RASGRP1: variants seen among roughly 807,000 people sequenced by gnomAD.
The protein encoded by RASGRP1 is RAS guanyl releasing protein 1, also known as RAS guanyl-releasing protein 1.
Under a neutral mutation model 95.1 loss-of-function variants are expected in RASGRP1, and 37 were observed. That is an observed-to-expected ratio of 0.39 (90% CI 0.30 to 0.51). The LOEUF is 0.51. RASGRP1 is among the 20% of genes least tolerant of loss of function. RASGRP1 has a pLI of 0.80. For missense variants in RASGRP1, 711 were observed against 965.4 expected (o/e 0.74, Z 3.49); for synonymous variants, 325 against 353.4 (o/e 0.92, Z 0.90).
At chr15:38,495,750 A>C (rs1334921485) in intron 15 of RASGRP1, among the ~76,000 whole-genome samples, 1 of 152,170 alleles carries the variant, frequency 6.6e-6, no homozygotes, top group Non-Finnish European at 1.5e-5. Context: ...AAATATTTAA[A>C]TTGTTATGGT....
intron 16 of RASGRP1, among the ~76,000 whole-genome samples, chr15:38,493,253 C>A (rs1231077568): frequency 1.4e-5 from 2 of 146,524 alleles, no homozygotes; most frequent in African/African-American, 2.5e-5. Flanking sequence ...TCTCAGCTCA[C>A]TGCAACCTCC....
At chr15:38,556,915 G>A (rs1003719077) in intron 2 of RASGRP1, among the ~76,000 whole-genome samples, 16 of 151,938 alleles carry the variant, frequency 1.1e-4, no homozygotes, top group Non-Finnish European at 2.1e-4. Flanking sequence ...CTGAAATTAC[G>A]GTCTGAGGCA....
At position 38,546,618 on chromosome 15, in the gene RASGRP1, C is replaced by T. The variant is rs558557855; in HGVS notation, c.220+13203G>A. Among the ~76,000 whole-genome samples the T allele has an allele frequency of 2.6e-5, 4 of 152,178 alleles. No individual in the cohort carries two copies. The East Asian group carries it at 5.8e-4, about 22-fold the overall frequency. ...TTCAGGTTGATAGAAACTGAGTCTC[C>T]GAAACATTAAGACACCGGCTAAGGG... is the stretch of plus-strand genomic sequence containing the variant. On this transcript the variant is annotated intron_variant, in intron 2 of 16. Coordinates refer to ENST00000310803, the MANE Select transcript of RASGRP1 (RefSeq NM_005739.4).
intron 2 of RASGRP1, among the ~76,000 whole-genome samples, chr15:38,548,034 G>T (rs1171631493): frequency 2.7e-5 from 4 of 149,198 alleles, no homozygotes; most frequent in African/African-American, 1.0e-4. Flanking sequence ...AGTGCTGATT[G>T]GGGAATGCGC....
intron 2 of RASGRP1, among the ~76,000 whole-genome samples, chr15:38,536,617 A>G (rs1010914518): frequency 6.6e-6 from 1 of 152,218 alleles, no homozygotes; most frequent in Non-Finnish European, 1.5e-5. Flanking sequence ...ATTTTTCTCA[A>G]TGAGTGACTT....
In RASGRP1 at chr15:38,498,889, T is replaced by G. The variant is rs779664541; in HGVS notation, c.1778A>C (p.Lys593Thr). ...GGGAGCTACTGGGTTCTTGGCTCGCTTCTTACACTCAAACACAACCAGATC... is the reference window on the plus strand; with the variant it reads ...GGGAGCTACTGGGTTCTTGGCTCGCGTCTTACACTCAAACACAACCAGATC... ...CKDLVVFECK[K>T]RAKNPVAPTE... Residue 593 changes from lysine to threonine, a missense_variant, in exon 15 of 17, where the codon AAG becomes ACG. Around this residue, in one of 3 missense-constraint regions of RASGRP1, gnomAD observed 212 missense variants for 247.8 expected, o/e 0.86. Coordinates refer to ENST00000310803, the MANE Select transcript of RASGRP1 (RefSeq NM_005739.4). 6.2e-7 allele frequency: 1 copy of G among 1,614,010 alleles called. No individual in the cohort carries two copies. Among genetic ancestry groups the G allele is most frequent in the South Asian group, 1.1e-5 (1 of 91,088 alleles).
chr15:38,526,820 T>A (rs996864291), intron 2 of RASGRP1, among the ~76,000 whole-genome samples: 1 of 152,150 alleles, frequency 6.6e-6, no homozygotes, highest in African/African-American at 2.4e-5. Flanking sequence ...ATCTTACCTT[T>A]ACAAATTTTA....
At position 38,494,524 on chromosome 15, in the gene RASGRP1, A is replaced by G. The variant is rs1279422154; in HGVS notation, c.2117T>C (p.Leu706Pro). The change falls in exon 16 of 17, where the codon CTT (leucine) becomes CCT (proline). Residue 706 changes from leucine (L) to proline (P), a missense_variant. Coordinates refer to ENST00000310803, the MANE Select transcript of RASGRP1 (RefSeq NM_005739.4). ...RKTAQDTLYV[L>P]PSPTSPCPSP... The stretch of plus-strand genomic sequence containing the variant: ...AGGACATGGAGAGGTGGGACTGGGA[A>G]GCACATATAGAGTATCCTGGGCTGT... 6.3e-7 allele frequency: 1 copy of G among 1,597,810 alleles called. No homozygotes were observed. Among genetic ancestry groups the G allele is most frequent in the South Asian group, 1.1e-5 (1 of 88,548 alleles).
At chr15:38,517,415 A>G (rs999703968) in intron 5 of RASGRP1, among the ~76,000 whole-genome samples, 1 of 152,204 alleles carries the variant, frequency 6.6e-6, no homozygotes, top group Non-Finnish European at 1.5e-5. Context: ...TGTAATTTTA[A>G]GCAGAGAAGT....
chr15:38,505,191 G>A (rs962458332), intron 10 of RASGRP1, among the ~76,000 whole-genome samples: 7 of 152,130 alleles, frequency 4.6e-5, no homozygotes, highest in African/African-American at 9.7e-5. Context: ...GTTTGGAAAC[G>A]TCCCAGGAGA....
rs754058746 is a variant in RASGRP1, at chr15:38,512,828, C to T, written c.804G>A (p.Pro268=). 2.4e-5 allele frequency: 39 copies of T among 1,613,660 alleles called. No homozygotes were observed. The highest frequency in any genetic ancestry group is 1.0e-4 in the Admixed American group (6 of 60,000). ...VQLMVLSRPT[P]QLRAEVFIKF... is the part of the protein sequence containing the mutation. Reference sequence around the variant, plus strand: ...TGATGAAGACTTCTGCTCGGAGCTGCGGCGTGGGGCGGCTGAGAACCATCA... The same window carrying T: ...TGATGAAGACTTCTGCTCGGAGCTGTGGCGTGGGGCGGCTGAGAACCATCA... Residue 268 remains proline (P), a synonymous_variant, in exon 7 of 17, where the codon CCG becomes CCA. Coordinates refer to ENST00000310803, the MANE Select transcript of RASGRP1 (RefSeq NM_005739.4).
At position 38,564,719 on chromosome 15, in the gene RASGRP1, T is replaced by A; in HGVS notation, c.-91A>T. On this transcript the variant is annotated 5_prime_UTR_variant, in exon 1 of 17. Transcript: ENST00000310803. ...CACCACCGCCGCCGCCTGCCGGCTCTCTCCCCCCCGGGCCTCGTAGCCCCG... is the reference window on the plus strand; with the variant it reads ...CACCACCGCCGCCGCCTGCCGGCTCACTCCCCCCCGGGCCTCGTAGCCCCG... 9.1e-7 allele frequency: 1 copy of A among 1,102,880 alleles called. No homozygotes were observed. The highest frequency in any genetic ancestry group is 1.1e-6 in the Non-Finnish European group (1 of 891,004). 68.3% of individuals were successfully genotyped at this position (1,102,880 alleles called of 1,614,324 possible).
chr15:38,501,313 ATG>A, intron 12 of RASGRP1, 26 bp from the exon 13 acceptor site: 3 of 1,612,972 alleles, frequency 1.9e-6, no homozygotes, highest in Non-Finnish European at 2.5e-6. Context: ...CAAGGCAAGG[ATG>A]TGAGTATAAG....
At chr15:38,551,454 G>A (rs1183152534) in intron 2 of RASGRP1, among the ~76,000 whole-genome samples, 1 of 152,110 alleles carries the variant, frequency 6.6e-6, no homozygotes, top group Non-Finnish European at 1.5e-5. Context: ...CAAAACTGAA[G>A]GCTTCTTTTT....
chr15:38,532,320 C>G (rs756056497), intron 2 of RASGRP1, among the ~76,000 whole-genome samples: 5 of 152,178 alleles, frequency 3.3e-5, no homozygotes, highest in Non-Finnish European at 7.3e-5. Context: ...AGGGTTGAAG[C>G]CTCAGTGGGG....
intron 2 of RASGRP1, among the ~76,000 whole-genome samples, chr15:38,546,051 G>A (rs1893091335): frequency 6.6e-6 from 1 of 151,994 alleles, no homozygotes; most frequent in African/African-American, 2.4e-5. Context: ...TAACCATCTT[G>A]TATCTCCATG....
At chr15:38,496,519 C>G (rs1890797860) in intron 15 of RASGRP1, among the ~76,000 whole-genome samples, 1 of 152,118 alleles carries the variant, frequency 6.6e-6, no homozygotes, top group Admixed American at 6.6e-5. Context: ...TTGTGGTGCC[C>G]TAAGGTTATG....
At chr15:38,492,733 G>A (rs1015943327) in intron 16 of RASGRP1, among the ~76,000 whole-genome samples, 2 of 152,206 alleles carry the variant, frequency 1.3e-5, no homozygotes, top group African/African-American at 4.8e-5. Flanking sequence ...CCAATTATAG[G>A]TAACCTCTTG....
chr15:38,494,794 T>C, intron 15 of RASGRP1, 27 bp from the exon 16 acceptor site: 1 of 1,424,362 alleles, frequency 7.0e-7, no homozygotes, highest in Non-Finnish European at 9.2e-7. Flanking sequence ...GACATGCTAG[T>C]ACTCTAGCTC....
Sources: gnomAD v4.1 joint callset for allele counts (sites outside exome capture counted in the v4.1 genomes callset) on GRCh38, gnomAD v4.1.1 for gene constraint, gnomAD v4.1.1 regional missense constraint, MANE v1.5 for transcripts, NCBI Gene and HGNC (gene_info 2026-07-23, HGNC 2026-07-21) for gene names.